TNR: variants seen among roughly 807,000 people sequenced by gnomAD.
The protein encoded by TNR is tenascin-R.
TNR carries 45 observed loss-of-function variants against 150.4 expected under a neutral mutation model. The observed-to-expected ratio is 0.30, with a 90% confidence interval of 0.24 to 0.38. The LOEUF is 0.38. Ranked by LOEUF, TNR falls within the 10% of genes least tolerant of loss-of-function variation. The pLI, the probability that TNR is intolerant of heterozygous loss-of-function variation, is 1.00. For synonymous variants in TNR, 687 were observed against 678.4 expected (o/e 1.01, Z -0.20); for missense variants, 1,544 against 1,759.1 (o/e 0.88, Z 2.19).
chr1:175,626,401 CTT>C (rs1473672242), intron 1 of TNR, among the ~76,000 whole-genome samples: 1 of 152,176 alleles, frequency 6.6e-6, no homozygotes, highest in Non-Finnish European at 1.5e-5. Context: ...CTCCAGCTCT[CTT>C]TCTGCTGCTC....
chr1:175,606,441 T>A (rs1163083946), intron 1 of TNR, among the ~76,000 whole-genome samples: 3 of 152,176 alleles, frequency 2.0e-5, no homozygotes, highest in Admixed American at 1.3e-4. Context: ...AAGAAGTAGA[T>A]GAAAGAGAAC....
intron 2 of TNR, among the ~76,000 whole-genome samples, chr1:175,466,001 C>G (rs1657018073): frequency 6.6e-6 from 1 of 152,192 alleles, no homozygotes; most frequent in South Asian, 2.1e-4. Flanking sequence ...ACCTTGACCT[C>G]CATTCTGCCT....
chr1:175,607,757 T>C (rs1403927130), intron 1 of TNR, among the ~76,000 whole-genome samples: 1 of 152,258 alleles, frequency 6.6e-6, no homozygotes, highest in Non-Finnish European at 1.5e-5. Flanking sequence ...AACCTAGCTC[T>C]GTCCCTTCTC....
chr1:175,579,804 C>G (rs1243788282), intron 1 of TNR, among the ~76,000 whole-genome samples: 2 of 151,960 alleles, frequency 1.3e-5, no homozygotes, highest in African/African-American at 4.8e-5. Flanking sequence ...TAGTCCTTCC[C>G]TTGGATACCC....
intron 1 of TNR, among the ~76,000 whole-genome samples, chr1:175,739,624 C>T (rs567420276): frequency 3.9e-4 from 59 of 152,222 alleles, no homozygotes; most frequent in Non-Finnish European, 6.9e-4. Flanking sequence ...AACCCAGGGA[C>T]GGAAGCAGGG....
intron 5 of TNR, among the ~76,000 whole-genome samples, chr1:175,396,340 T>G (rs1374570821): frequency 1.3e-5 from 2 of 152,242 alleles, no homozygotes; most frequent in Non-Finnish European, 2.9e-5. Flanking sequence ...GAAAGCTGCC[T>G]GAATTTGGAA....
chr1:175,584,278 A>G (rs1188840722), intron 1 of TNR, among the ~76,000 whole-genome samples: 1 of 152,170 alleles, frequency 6.6e-6, no homozygotes, highest in Non-Finnish European at 1.5e-5. Context: ...AGATGATTTG[A>G]TGACATGCAG....
intron 1 of TNR, among the ~76,000 whole-genome samples, chr1:175,646,343 T>C (rs772014712): frequency 7.2e-5 from 11 of 152,192 alleles, no homozygotes; most frequent in Admixed American, 5.2e-4. Flanking sequence ...GATGGCATTA[T>C]GTGTGGGCAG....
At chr1:175,656,195 T>C (rs1665171382) in intron 1 of TNR, among the ~76,000 whole-genome samples, 1 of 149,930 alleles carries the variant, frequency 6.7e-6, no homozygotes, top group African/African-American at 2.5e-5. Flanking sequence ...TGTGTGTATG[T>C]GGTCTACCTT....
In TNR at chr1:175,362,691, G is replaced by A. The variant is rs145986923; in HGVS notation, c.2826C>T (p.Ser942=). 2.3e-5 allele frequency: 37 copies of A among 1,613,936 alleles called. No homozygotes were observed. Among genetic ancestry groups the A allele is most frequent in the Middle Eastern group, 1.6e-4 (1 of 6,082 alleles). The change falls in exon 14 of 23, where the codon AGC becomes AGT. Residue 942 remains serine, a synonymous_variant. Coordinates refer to ENST00000367674, the MANE Select transcript of TNR (RefSeq NM_003285.3). ...SLNSVRGREE[S]ERICTLVHTA... is the part of the protein sequence containing the mutation. Reference sequence around the variant, plus strand: ...TGTGCACAAGAGTACAGATGCGCTCGCTTTCCTCCCTGCCCCGCACGCTGT... The same window carrying A: ...TGTGCACAAGAGTACAGATGCGCTCACTTTCCTCCCTGCCCCGCACGCTGT...
chr1:175,704,339 G>A (rs554706495), intron 1 of TNR, among the ~76,000 whole-genome samples: 38 of 152,322 alleles, frequency 2.5e-4, no homozygotes, highest in Non-Finnish European at 3.5e-4. Flanking sequence ...AAAACTTGAC[G>A]AGATTTAAGT....
At chr1:175,733,902 C>T (rs1262040540) in intron 1 of TNR, among the ~76,000 whole-genome samples, 1 of 151,410 alleles carries the variant, frequency 6.6e-6, no homozygotes, top group Non-Finnish European at 1.5e-5. Context: ...TACACTCCTG[C>T]TTCTTGCCTT....
chr1:175,524,660 T>C (rs1312671671), intron 2 of TNR, among the ~76,000 whole-genome samples: 1 of 152,114 alleles, frequency 6.6e-6, no homozygotes, highest in Non-Finnish European at 1.5e-5. Context: ...AGAAGCATTC[T>C]GAGAAGGAGA....
chr1:175,676,614 C>A (rs1294116448), intron 1 of TNR, among the ~76,000 whole-genome samples: 3 of 152,172 alleles, frequency 2.0e-5, no homozygotes, highest in African/African-American at 7.2e-5. Flanking sequence ...GGCCAGAAGA[C>A]TCACCAGCAA....
intron 18 of TNR, among the ~76,000 whole-genome samples, chr1:175,345,911 A>G (rs1193602919): frequency 6.6e-6 from 1 of 152,344 alleles, no homozygotes; most frequent in East Asian, 1.9e-4. Flanking sequence ...TAAAAGAAAT[A>G]TTGTTTTTAA....
At chr1:175,514,063 T>C (rs1408807392) in intron 2 of TNR, among the ~76,000 whole-genome samples, 4 of 152,190 alleles carry the variant, frequency 2.6e-5, no homozygotes, top group African/African-American at 4.8e-5. Flanking sequence ...CTCAAAGACA[T>C]CCATACCTTA....
At chr1:175,547,348 C>T (rs1374258681) in intron 1 of TNR, among the ~76,000 whole-genome samples, 1 of 151,898 alleles carries the variant, frequency 6.6e-6, no homozygotes, top group African/African-American at 2.4e-5. Flanking sequence ...TCTATAACTT[C>T]AACCCCTTCC....
At chr1:175,579,958 C>T (rs1200653106) in intron 1 of TNR, among the ~76,000 whole-genome samples, 1 of 152,084 alleles carries the variant, frequency 6.6e-6, no homozygotes, top group African/African-American at 2.4e-5. Context: ...ATCAGAGATC[C>T]CTGAAAAGAT....
At chr1:175,517,805 C>T (rs973437266) in intron 2 of TNR, among the ~76,000 whole-genome samples, 1 of 152,162 alleles carries the variant, frequency 6.6e-6, no homozygotes, top group African/African-American at 2.4e-5. Flanking sequence ...GTCTTGCTCA[C>T]ATCTCCACAT....
Sources: allele counts gnomAD v4.1 joint callset (sites outside exome capture counted in the v4.1 genomes callset), GRCh38; gene constraint gnomAD v4.1.1; transcripts MANE v1.5; gene names NCBI Gene and HGNC (gene_info 2026-07-23, HGNC 2026-07-21).